Variants in ALOXE3 observed in about 807,000 individuals in gnomAD.
ALOXE3 encodes hydroperoxide isomerase ALOXE3.
ALOXE3 carries 78 observed loss-of-function variants against 87.5 expected under a neutral mutation model. That is an observed-to-expected ratio of 0.89 (90% CI 0.74 to 1.08). The LOEUF (loss-of-function observed/expected upper bound fraction) is 1.08. ALOXE3 is among the 50% of genes least tolerant of loss of function. The pLI is 0.00. For missense variants in ALOXE3, 946 were observed against 912.4 expected, an observed-to-expected ratio of 1.04 and a Z score of -0.47; for synonymous variants, 363 against 370.8, an observed-to-expected ratio of 0.98 and a Z score of 0.24.
At chr17:8,108,669 A>G in intron 12 of ALOXE3, 80 bp from the exon 13 acceptor site, 9 of 1,573,264 alleles carry the variant, frequency 5.7e-6, no homozygotes, top group East Asian at 2.3e-5. Flanking sequence ...ACTGCTGCTC[A>G]GGCGGCAGAG....
Position 8,115,055 on chromosome 17 carries a change from C to T in ALOXE3, c.437G>A (p.Trp146Ter), listed in dbSNP as rs760514287. Residue 146 changes from tryptophan (W) to a stop codon, truncating the protein, a stop_gained and splice_region_variant, in exon 5 of 16, where the codon TGG (tryptophan) becomes TAG (stop). Transcript: ENST00000448843. LOFTEE classifies it high-confidence loss of function. ...GGGGAAGCCAGGGGCATAGATCTTCCAGCTTCCGAGGGAAAGAGGTCAGAG... is the reference window on the plus strand; with the variant it reads ...GGGGAAGCCAGGGGCATAGATCTTCTAGCTTCCGAGGGAAAGAGGTCAGAG... ...ELRARQECYR[W>*]KIYAPGFPCM... 1.2e-6 allele frequency: 2 copies of T among 1,614,162 alleles called. No individual in the cohort carries two copies. Among genetic ancestry groups the T allele is most frequent in the Non-Finnish European group, 1.7e-6 (2 of 1,180,014 alleles).
At chr17:8,118,812 G>T (rs1206966425), upstream of ALOXE3, 3 of 1,536,824 alleles carry the variant, frequency 2.0e-6, no homozygotes, top group Non-Finnish European at 2.6e-6. Flanking sequence ...GGGCCTGCAG[G>T]ATCCTGGGCG....
At chr17:8,117,138 C>A (rs1314962447) in intron 2 of ALOXE3, among the ~76,000 whole-genome samples, 158 bp from the exon 3 acceptor site, 1 of 152,234 alleles carries the variant, frequency 6.6e-6, no homozygotes, top group Admixed American at 6.5e-5. Context: ...AAAAAGCTTC[C>A]CCGGGCCGGG....
At chr17:8,102,362 G>A (rs1210199590) in intron 15 of ALOXE3, among the ~76,000 whole-genome samples, 1 of 152,092 alleles carries the variant, frequency 6.6e-6, no homozygotes, top group Non-Finnish European at 1.5e-5. Flanking sequence ...GCACAGTGGT[G>A]GGTGCCTGTA....
chr17:8,108,956 C>G (rs977547551), intron 12 of ALOXE3, among the ~76,000 whole-genome samples: 1 of 152,178 alleles, frequency 6.6e-6, no homozygotes, highest in Admixed American at 6.5e-5. Context: ...ACTGGACACC[C>G]CCTCCTTCCC....
At position 8,096,699 on chromosome 17, in the gene ALOXE3, C is replaced by G. The variant is rs764835260; in HGVS notation, c.2064G>C (p.Glu688Asp). The G allele has an allele frequency of 6.2e-7, 1 of 1,603,150 alleles. No homozygotes were observed. Among genetic ancestry groups the G allele is most frequent in the East Asian group, 2.2e-5 (1 of 44,814 alleles). ...RLAQISRDIQERNQGLALPYT... is the reference protein window; with the variant it reads ...RLAQISRDIQDRNQGLALPYT... ...AGGGCAGTGCCAGACCCTGGTTCCG[C>G]TCCTGGATGTCCCTTGAGATCTGGG... is the stretch of plus-strand genomic sequence containing the variant. Residue 688 changes from glutamate (E) to aspartate (D), a missense_variant, in exon 16 of 16, where the codon GAG (glutamate) becomes GAC (aspartate). Glu to Asp is a conservative substitution (Grantham distance 45, BLOSUM62 2). Transcript: ENST00000448843.
chr17:8,112,812 C>A (rs960101418), intron 6 of ALOXE3, among the ~76,000 whole-genome samples: 1 of 151,938 alleles, frequency 6.6e-6, no homozygotes, highest in Admixed American at 6.6e-5. Context: ...AAGATGGGAT[C>A]TCCCTGTGTT....
chr17:8,110,556 TC>T, intron 8 of ALOXE3, 28 bp from the exon 9 acceptor site: 1 of 1,613,266 alleles, frequency 6.2e-7, no homozygotes, highest in Non-Finnish European at 8.5e-7. Context: ...AGGCTGAGTG[TC>T]CCTCCCTACT....
At chr17:8,103,990 C>T (rs1979097277) in intron 14 of ALOXE3, 125 bp downstream of exon 14, 2 of 829,322 alleles carry the variant, frequency 2.4e-6, no homozygotes, top group Non-Finnish European at 4.0e-6. Flanking sequence ...TCAGCTGCCA[C>T]TCCAACCCCA....
chr17:8,104,573 C>T (rs1401447378), intron 13 of ALOXE3, among the ~76,000 whole-genome samples: 1 of 152,226 alleles, frequency 6.6e-6, no homozygotes, highest in Non-Finnish European at 1.5e-5. Flanking sequence ...AAGATTTGTT[C>T]AAGCACCCAG....
intron 5 of ALOXE3, 79 bp downstream of exon 5, chr17:8,114,859 C>G: frequency 6.3e-7 from 1 of 1,597,574 alleles, no homozygotes. Context: ...CCCCTCCTTC[C>G]TGGCTATCAG....
chr17:8,109,382 A>G, intron 11 of ALOXE3, 39 bp from the exon 12 acceptor site: 2 of 1,607,010 alleles, frequency 1.2e-6, no homozygotes, highest in Non-Finnish European at 1.7e-6. Flanking sequence ...GGCCGGCCCA[A>G]TCCCCACCCT....
Position 8,096,642 on chromosome 17 carries a change from G to T in ALOXE3, c.2121C>A (p.Asn707Lys). 1 of 1,419,826 alleles carries T rather than the reference G, an allele frequency of 7.0e-7. No homozygotes were observed. The highest frequency in any genetic ancestry group is 1.0e-6 in the Non-Finnish European group (1 of 1,002,852). 88.0% of individuals were successfully genotyped at this position (1,419,826 alleles called of 1,614,324 possible). A position where few individuals can be genotyped will look rare whatever the true frequency, so the allele number is the denominator to read the frequency against. Reference sequence around the variant, plus strand: ...TTGGGGGTGGTTAGATGGAGACGCTGTTCTCAATGAGGGGAGGGTCCAGGT... The same window carrying T: ...TTGGGGGTGGTTAGATGGAGACGCTTTTCTCAATGAGGGGAGGGTCCAGGT... Reference protein sequence around the residue: ...YTYLDPPLIENSVSI With the variant: ...YTYLDPPLIEKSVSI The change falls in exon 16 of 16, where the codon AAC becomes AAA. Residue 707 changes from asparagine (N) to lysine (K), a missense_variant. Physicochemically the swap from Asn to Lys is moderately conservative, Grantham distance 94 (BLOSUM62 0). Transcript: ENST00000448843.
At chr17:8,097,219 T>C (rs920473327) in intron 15 of ALOXE3, among the ~76,000 whole-genome samples, 2 of 152,082 alleles carry the variant, frequency 1.3e-5, no homozygotes, top group African/African-American at 4.8e-5. Flanking sequence ...AGCCTCAAAC[T>C]CCTGGGCTCA....
chr17:8,104,433 C>G (rs913929253), intron 13 of ALOXE3, among the ~76,000 whole-genome samples: 5 of 152,126 alleles, frequency 3.3e-5, no homozygotes, highest in African/African-American at 1.2e-4. Flanking sequence ...GCCAGAAAAT[C>G]CCCGGCAGGC....
chr17:8,109,856 G>C (rs1388683998), intron 11 of ALOXE3, 60 bp downstream of exon 11: 2 of 1,489,424 alleles, frequency 1.3e-6, no homozygotes, highest in East Asian at 2.5e-5. Context: ...GCTTGGGGGC[G>C]GGTAGCGGGG....
At position 8,096,708 on chromosome 17, in the gene ALOXE3, G is replaced by A. The variant is rs1295223448; in HGVS notation, c.2055C>T (p.Asp685=). 7.5e-6 allele frequency: 12 copies of A among 1,608,588 alleles called. No homozygotes were observed. Among genetic ancestry groups the A allele is most frequent in the Non-Finnish European group, 1.0e-5 (12 of 1,175,096 alleles). The change falls in exon 16 of 16, where the codon GAC becomes GAT. Residue 685 remains aspartate (D), a synonymous_variant. Transcript: ENST00000448843. ...FQSRLAQISR[D]IQERNQGLAL... ...CCAGACCCTGGTTCCGCTCCTGGAT[G>A]TCCCTTGAGATCTGGGCCAGGCGGC...
chr17:8,109,822 C>T, intron 11 of ALOXE3, 94 bp downstream of exon 11: 1 of 1,339,478 alleles, frequency 7.5e-7, no homozygotes, highest in South Asian at 1.3e-5. Context: ...GGTGTCCTCA[C>T]AAGGGGCTTG....
chr17:8,118,352 C>G (rs1416549146), intron 1 of ALOXE3, 49 bp from the exon 2 acceptor site: 1 of 1,551,628 alleles, frequency 6.4e-7, no homozygotes, highest in African/African-American at 1.4e-5. Context: ...GAGGTAACGC[C>G]TGTATAATTG....
Sources: gnomAD v4.1 joint callset for allele counts (sites outside exome capture counted in the v4.1 genomes callset) on GRCh38, gnomAD v4.1.1 for gene constraint, MANE v1.5 for transcripts, NCBI Gene and HGNC (gene_info 2026-07-23, HGNC 2026-07-21) for gene names.